The following ADCY3 variants were observed in gnomAD, a reference collection of about 807,000 sequenced individuals.
ADCY3 encodes adenylate cyclase 3.
A neutral mutation model predicts 119.4 loss-of-function variants in ADCY3; 70 were observed. The observed-to-expected ratio is 0.59, with a 90% CI of 0.48 to 0.72. The LOEUF is 0.72. Ranked by LOEUF, ADCY3 falls within the 30% of genes least tolerant of loss-of-function variation. The pLI is 0.00. For synonymous variants in ADCY3, 672 were observed against 621.4 expected (o/e 1.08, Z -1.21); for missense variants, 1,238 against 1,541.6 (o/e 0.80, Z 3.30).
intron 17 of ADCY3, 93 bp downstream of exon 17, chr2:24,824,285 T>C: frequency 6.6e-7 from 1 of 1,507,194 alleles, no homozygotes. Context: ...CCCCTGTCCC[T>C]GAGAAGGCCT....
At chr2:24,895,631 T>C (rs1344154357) in intron 2 of ADCY3, among the ~76,000 whole-genome samples, 1 of 151,802 alleles carries the variant, frequency 6.6e-6, no homozygotes, top group African/African-American at 2.4e-5. Flanking sequence ...TCTTCTTCTT[T>C]TTTTTTTTCT....
chr2:24,848,166 T>C (rs1416954416), intron 3 of ADCY3, among the ~76,000 whole-genome samples: 1 of 152,218 alleles, frequency 6.6e-6, no homozygotes, highest in Non-Finnish European at 1.5e-5. Flanking sequence ...ATAACGCCCA[T>C]GCTGGAAGGT....
At chr2:24,909,878 C>A (rs567247130) in intron 2 of ADCY3, among the ~76,000 whole-genome samples, 4 of 152,330 alleles carry the variant, frequency 2.6e-5, no homozygotes, top group African/African-American at 9.6e-5. Context: ...CCTCTTGCAT[C>A]TGAGTTAGCC....
chr2:24,837,594 G>C (rs1432129053), intron 8 of ADCY3, among the ~76,000 whole-genome samples: 1 of 152,224 alleles, frequency 6.6e-6, no homozygotes, highest in Non-Finnish European at 1.5e-5. Context: ...TTCCCTGACA[G>C]TCACCAAGCT....
chr2:24,907,371 A>T (rs140465331), intron 2 of ADCY3, among the ~76,000 whole-genome samples: 57 of 152,352 alleles, frequency 3.7e-4, no homozygotes, highest in African/African-American at 1.3e-3. Flanking sequence ...GTTCAAGTCC[A>T]GTCGCTTATG....
At chr2:24,882,833 G>T (rs1377601930) in intron 2 of ADCY3, among the ~76,000 whole-genome samples, 2 of 152,186 alleles carry the variant, frequency 1.3e-5, no homozygotes, top group Non-Finnish European at 2.9e-5. Flanking sequence ...GAGGCGGGTG[G>T]ATCGCCTGAG....
At chr2:24,838,910 C>A in intron 7 of ADCY3, 1 of 1,569,090 alleles carries the variant, frequency 6.4e-7, no homozygotes, top group Non-Finnish European at 8.7e-7. Context: ...AATCTTTGAT[C>A]CGCTGTAAAG....
chr2:24,914,558 C>A (rs1664204878), intron 2 of ADCY3, among the ~76,000 whole-genome samples: 1 of 152,026 alleles, frequency 6.6e-6, no homozygotes, highest in Non-Finnish European at 1.5e-5. Context: ...ACCTGTAATC[C>A]CAGGTACTTG....
intron 2 of ADCY3, among the ~76,000 whole-genome samples, chr2:24,908,378 C>T (rs370780921): frequency 6.6e-6 from 1 of 152,038 alleles, no homozygotes; most frequent in African/African-American, 2.4e-5. Context: ...AGGAATAGTA[C>T]AATATTCTGC....
chr2:24,820,864 A>G lies in ADCY3; in HGVS notation c.3128-16T>C. 7 of 1,613,220 alleles carry G rather than the reference A, an allele frequency of 4.3e-6. No individual in the cohort carries two copies. The South Asian group carries it at 5.5e-5, about 13-fold the overall frequency. ...TTGTTCATGCCTAGGGTAGAGGCAT[A>G]AAGTTCAGCACAGCCACAGGCCACA... On this transcript the variant is annotated splice_polypyrimidine_tract_variant and intron_variant, in intron 20 of 21. Coordinates refer to ENST00000679454, the MANE Select transcript of ADCY3 (RefSeq NM_004036.5).
intron 2 of ADCY3, among the ~76,000 whole-genome samples, chr2:24,900,612 G>A (rs920237989): frequency 2.0e-5 from 3 of 152,238 alleles, no homozygotes; most frequent in Admixed American, 2.0e-4. Flanking sequence ...AAGTGCCCAG[G>A]ACCATGTAAG....
intron 20 of ADCY3, chr2:24,821,292 A>G (rs1667661438): frequency 3.5e-6 from 2 of 570,656 alleles, no homozygotes; most frequent in Non-Finnish European, 5.9e-6. Context: ...CTATTGTAAC[A>G]GTAGGCACAG....
chr2:24,894,223 T>C (rs781704570), intron 2 of ADCY3, among the ~76,000 whole-genome samples: 11 of 152,208 alleles, frequency 7.2e-5, no homozygotes, highest in South Asian at 4.1e-4. Context: ...GTGGCTCACA[T>C]TGTAATCCCA....
At chr2:24,914,884 C>CTCAT (rs1664260875) in intron 2 of ADCY3, among the ~76,000 whole-genome samples, 1 of 152,098 alleles carries the variant, frequency 6.6e-6, no homozygotes, top group East Asian at 1.9e-4. Flanking sequence ...CACTCATTAA[C>CTCAT]TCATTGGTGG....
At chr2:24,881,715 G>GA (rs1400595634) in intron 2 of ADCY3, among the ~76,000 whole-genome samples, 6 of 152,268 alleles carry the variant, frequency 3.9e-5, no homozygotes, top group Non-Finnish European at 8.8e-5. Context: ...ATTCTCCACT[G>GA]AAGTGTTCCC....
Position 24,841,527 on chromosome 2 carries a change from T to TG in ADCY3, c.1068+28dup. 2.5e-6 allele frequency: 4 copies of TG among 1,599,240 alleles called. No individual in the cohort carries two copies. The highest frequency in any genetic ancestry group is 3.4e-6 in the Non-Finnish European group (4 of 1,169,632). ...CAGAGGCCATGAGGGCAGGCCCCGC[T>TG]GGAGAGCCAGGCGGGGCCAGGGACT... On this transcript the variant is annotated intron_variant, in intron 5 of 21. Coordinates refer to ENST00000679454, the MANE Select transcript of ADCY3 (RefSeq NM_004036.5). The surrounding 1 kb of genome is among the most constrained non-coding windows in gnomAD (Gnocchi z 5.8).
intron 2 of ADCY3, among the ~76,000 whole-genome samples, chr2:24,885,095 C>T (rs1558498996): frequency 2.0e-5 from 3 of 152,194 alleles, no homozygotes. Flanking sequence ...TTCCAAATTC[C>T]AAAATTCAAG....
chr2:24,854,945 G>T (rs994607193), intron 3 of ADCY3, among the ~76,000 whole-genome samples: 8 of 152,136 alleles, frequency 5.3e-5, no homozygotes, highest in African/African-American at 1.9e-4. Context: ...AGCTGCTCAG[G>T]AGGCTGAAAC....
chr2:24,821,056 C>CG (rs1318104341), intron 20 of ADCY3: 6 of 648,316 alleles, frequency 9.3e-6, no homozygotes, highest in African/African-American at 9.2e-5. Context: ...CACCCCCCCC[C>CG]CATATGCAGA....
Sources: gnomAD v4.1 joint callset for allele counts (sites outside exome capture counted in the v4.1 genomes callset) on GRCh38, gnomAD v4.1.1 for gene constraint, Gnocchi (gnomAD v3.1) non-coding constraint, MANE v1.5 for transcripts, NCBI Gene and HGNC (gene_info 2026-07-23, HGNC 2026-07-21) for gene names.